The following AKNAD1 variants were observed in gnomAD, a reference collection of about 807,000 sequenced individuals.
The protein encoded by AKNAD1 is protein AKNAD1.
Under a neutral mutation model 90.8 loss-of-function variants are expected in AKNAD1, and 67 were observed. The observed-to-expected ratio is 0.74, with a 90% CI of 0.61 to 0.90. The LOEUF is 0.90. AKNAD1 is among the 40% of genes least tolerant of loss of function. AKNAD1 has a pLI of 0.00. For synonymous variants in AKNAD1, 327 were observed against 341.4 expected (o/e 0.96, Z 0.46); for missense variants, 957 against 975.4 (o/e 0.98, Z 0.25).
chr1:108,818,431 AT>A (rs1485012122), intron 14 of AKNAD1, among the ~76,000 whole-genome samples: 1 of 152,140 alleles, frequency 6.6e-6, no homozygotes, highest in Non-Finnish European at 1.5e-5. Context: ...TGGGCAGGGG[AT>A]AGCAGAGTGG....
At chr1:108,848,093 T>C (rs981661653) in intron 5 of AKNAD1, among the ~76,000 whole-genome samples, 9 of 152,198 alleles carry the variant, frequency 5.9e-5, no homozygotes, top group African/African-American at 2.2e-4. Context: ...CCCTAAACCT[T>C]GCTTGTGCCT....
chr1:108,835,089 A>T (rs1354734442), intron 7 of AKNAD1, 33 bp from the exon 8 acceptor site: 1 of 1,564,978 alleles, frequency 6.4e-7, no homozygotes, highest in Non-Finnish European at 8.6e-7. Context: ...CTTGAATTAG[A>T]GCCACAGTCC....
At chr1:108,833,692 A>T (rs1222225439) in intron 9 of AKNAD1, among the ~76,000 whole-genome samples, 1 of 149,864 alleles carries the variant, frequency 6.7e-6, no homozygotes, top group African/African-American at 2.5e-5. Flanking sequence ...TAATTTAAAA[A>T]AAAAGGGTTT....
intron 1 of AKNAD1, among the ~76,000 whole-genome samples, chr1:108,855,878 CTTTT>C (rs540099927): frequency 7.9e-6 from 1 of 127,094 alleles, no homozygotes; most frequent in Admixed American, 7.9e-5. Context: ...AACAGAGTAT[CTTTT>C]TTTTTTTTTT....
Position 108,817,186 on chromosome 1 carries a change from C to A in AKNAD1, c.2250-9G>T. 6.2e-7 allele frequency: 1 copy of A among 1,613,760 alleles called. No individual in the cohort carries two copies. The highest frequency in any genetic ancestry group is 8.5e-7 in the Non-Finnish European group (1 of 1,179,858). On this transcript the variant is annotated splice_polypyrimidine_tract_variant and intron_variant, in intron 14 of 15. Coordinates refer to ENST00000370001, the MANE Select transcript of AKNAD1 (RefSeq NM_152763.5). ...AAGCCTGAAGTTTTTTTCTGGAAGA[C>A]AAAAGCACATTGATACTTGTGTCAA...
At chr1:108,817,222 C>A in intron 14 of AKNAD1, 45 bp from the exon 15 acceptor site, 1 of 1,610,152 alleles carries the variant, frequency 6.2e-7, no homozygotes, top group South Asian at 1.1e-5. Flanking sequence ...GCGCCACCCT[C>A]AAGCACACTC....
At chr1:108,835,271 G>A (rs574299613) in intron 7 of AKNAD1, among the ~76,000 whole-genome samples, 101 of 152,080 alleles carry the variant, frequency 6.6e-4, no homozygotes, top group Non-Finnish European at 1.2e-3. Flanking sequence ...TTCTCCCTTA[G>A]TAATTCAAAC....
At position 108,851,892 on chromosome 1, in the gene AKNAD1, A is replaced by G. The variant is rs774436882; in HGVS notation, c.773T>C (p.Leu258Pro). The change falls in exon 2 of 16, where the codon CTC becomes CCC. Residue 258 changes from leucine (L) to proline (P), a missense_variant. By Grantham distance (98) the Leu-to-Pro change is moderately conservative. Coordinates refer to ENST00000370001, the MANE Select transcript of AKNAD1 (RefSeq NM_152763.5). ...KYGQGQVHYQ[L>P]PDFSKIAPKV... ...GGGAGCAATCTTAGAGAAATCAGGG[A>G]GCTGGTAATGAACTTGACCTTGGCC... 6.2e-7 allele frequency: 1 copy of G among 1,614,004 alleles called. No homozygotes were observed. Among genetic ancestry groups the G allele is most frequent in the Non-Finnish European group, 8.5e-7 (1 of 1,179,960 alleles).
intron 1 of AKNAD1, among the ~76,000 whole-genome samples, chr1:108,854,343 G>T (rs1664970371): frequency 6.6e-6 from 1 of 152,206 alleles, no homozygotes; most frequent in South Asian, 2.1e-4. Context: ...GACCACAGCT[G>T]CTGGCAGCCT....
intron 13 of AKNAD1, among the ~76,000 whole-genome samples, chr1:108,820,861 C>T (rs1175019990): frequency 2.6e-5 from 4 of 151,678 alleles, no homozygotes; most frequent in East Asian, 2.0e-4. Flanking sequence ...CAGGAGTTTG[C>T]GACCAGTCTT....
In AKNAD1 at chr1:108,825,720, A is replaced by G. The variant is rs188480884; in HGVS notation, c.1936+1485T>C. 3.3e-5 allele frequency among the ~76,000 whole-genome samples: 5 copies of G among 150,790 alleles called. No homozygotes were observed. In the East Asian group the frequency reaches 6.0e-4, roughly 18 times the overall value. On this transcript the variant is annotated intron_variant, in intron 11 of 15. Coordinates refer to ENST00000370001, the MANE Select transcript of AKNAD1 (RefSeq NM_152763.5). ...CATTTTTTGCTTGTGCAAATCATTT[A>G]GATTTCCCAAAACTAAATGAGCAGT...
At chr1:108,839,754 C>A (rs530952848) in intron 6 of AKNAD1, among the ~76,000 whole-genome samples, 1 of 152,146 alleles carries the variant, frequency 6.6e-6, no homozygotes, top group Non-Finnish European at 1.5e-5. Flanking sequence ...TTTTATGGCT[C>A]ACGCTGGTAA....
At chr1:108,826,683 TTACTC>T (rs560388191) in intron 11 of AKNAD1, among the ~76,000 whole-genome samples, 44 of 151,510 alleles carry the variant, frequency 2.9e-4, no homozygotes, top group African/African-American at 9.9e-4. Context: ...TGTTCATGCT[TTACTC>T]TACTTAACCA....
Position 108,823,209 on chromosome 1 carries a change from G to A in AKNAD1, c.2167+161C>T, listed in dbSNP as rs202185361. The A allele has an allele frequency of 1.4e-3, 1,028 of 727,364 alleles. 7 individuals are homozygous for A. The highest frequency in any genetic ancestry group is 5.2e-3 in the South Asian group (355 of 68,606). 45.1% of individuals were successfully genotyped at this position (727,364 alleles called of 1,614,324 possible). On this transcript the variant is annotated intron_variant, in intron 13 of 15. Transcript: ENST00000370001. ...TCAGCCTCTTGCCATCCAGATGTAG[G>A]GCTGGATTTGGAAGTGTCAGGTGAG...
intron 2 of AKNAD1, 85 bp downstream of exon 2, chr1:108,851,587 G>T: frequency 1.5e-6 from 2 of 1,342,744 alleles, no homozygotes; most frequent in Non-Finnish European, 2.0e-6. Flanking sequence ...CTAGAACCAA[G>T]CTCTATTCAC....
At chr1:108,833,443 C>T (rs917040273) in intron 9 of AKNAD1, among the ~76,000 whole-genome samples, 1 of 152,044 alleles carries the variant, frequency 6.6e-6, no homozygotes, top group African/African-American at 2.4e-5. Flanking sequence ...ATTAGCTGCA[C>T]GTGGTGGCAC....
chr1:108,848,717 A>C (rs370850675), intron 5 of AKNAD1, 35 bp downstream of exon 5: 4 of 1,561,216 alleles, frequency 2.6e-6, no homozygotes, highest in Non-Finnish European at 3.5e-6. Flanking sequence ...CATATTCTCT[A>C]ATCAAGATTT....
At chr1:108,843,100 C>G in intron 6 of AKNAD1, 34 bp downstream of exon 6, 1 of 1,609,614 alleles carries the variant, frequency 6.2e-7, no homozygotes, top group Non-Finnish European at 8.5e-7. Context: ...TCACCTTTGA[C>G]CCTTCCACCT....
At position 108,849,595 on chromosome 1, in the gene AKNAD1, A is replaced by C. The variant is rs1395474804; in HGVS notation, c.994-19T>G. The C allele has an allele frequency of 6.4e-7, 1 of 1,572,408 alleles. No individual in the cohort carries two copies. Among genetic ancestry groups the C allele is most frequent in the Admixed American group, 1.7e-5 (1 of 59,858 alleles). On this transcript the variant is annotated intron_variant, in intron 2 of 15. Coordinates refer to ENST00000370001, the MANE Select transcript of AKNAD1 (RefSeq NM_152763.5). ...GCTCCATCTGCACAATTAAAGGGTA[A>C]GAAAACGTTACTGTCGATATTGATC...
Sources: gnomAD v4.1 joint callset for allele counts (sites outside exome capture counted in the v4.1 genomes callset) on GRCh38, gnomAD v4.1.1 for gene constraint, MANE v1.5 for transcripts, NCBI Gene and HGNC (gene_info 2026-07-23, HGNC 2026-07-21) for gene names.